The following ANKRD31 variants were observed in gnomAD, a reference collection of about 807,000 sequenced individuals.
ANKRD31 encodes the protein ankyrin repeat domain-containing protein 31.
Under a neutral mutation model 186.0 loss-of-function variants are expected in ANKRD31, and 147 were observed. The observed-to-expected ratio is 0.79, with a 90% CI of 0.69 to 0.91. The LOEUF is 0.91. Among genes scored for constraint, ANKRD31 ranks in the 40% least tolerant of loss-of-function variants. The pLI, the probability that ANKRD31 is intolerant of heterozygous loss-of-function variation, is 0.00. For missense variants in ANKRD31, 1,986 were observed against 2,148.8 expected (o/e 0.92, Z 1.50); for synonymous variants, 673 against 736.4 (o/e 0.91, Z 1.39).
chr5:75,191,022 A>T (rs926658092), intron 9 of ANKRD31, among the ~76,000 whole-genome samples: 2 of 152,058 alleles, frequency 1.3e-5, no homozygotes, highest in Non-Finnish European at 2.9e-5. Flanking sequence ...AATTTTTATC[A>T]TTCTTTTAAA....
chr5:75,157,385 G>A (rs926145930), intron 11 of ANKRD31, among the ~76,000 whole-genome samples: 9 of 152,132 alleles, frequency 5.9e-5, no homozygotes, highest in African/African-American at 2.2e-4. Context: ...GTGCAACCTG[G>A]TTTCTTCTTG....
intron 20 of ANKRD31, among the ~76,000 whole-genome samples, chr5:75,111,338 C>G (rs1747766272): frequency 1.3e-5 from 2 of 151,892 alleles, no homozygotes; most frequent in African/African-American, 4.8e-5. Context: ...AAATTATAAA[C>G]TTGGAAAAAT....
chr5:75,146,700 T>C lies in ANKRD31; in HGVS notation c.2711A>G (p.Asp904Gly), dbSNP rs1430256124. 1 of 1,536,128 alleles carries C rather than the reference T, an allele frequency of 6.5e-7. No homozygotes were observed. The highest frequency in any genetic ancestry group is 2.4e-5 in the East Asian group (1 of 40,886). The change falls in exon 14 of 26, where the codon GAT becomes GGT. Residue 904 changes from aspartate to glycine, a missense_variant. Transcript: ENST00000506364. Reference sequence around the variant, plus strand: ...AGCCTTCTCAGAGGTAGAGCAATCATCATCATCATCATTATCAGAATTTTC... The same window carrying C: ...AGCCTTCTCAGAGGTAGAGCAATCACCATCATCATCATTATCAGAATTTTC... ...VKENSDNDDD[D>G]DCSTSEKAIT...
intron 11 of ANKRD31, among the ~76,000 whole-genome samples, chr5:75,154,725 T>C (rs114764039): frequency 6.6e-6 from 1 of 152,210 alleles, no homozygotes; most frequent in African/African-American, 2.4e-5. Context: ...TGAAATGAAG[T>C]TAGCAAATAC....
chr5:75,172,423 A>T (rs1209469806), intron 10 of ANKRD31, among the ~76,000 whole-genome samples: 1 of 151,760 alleles, frequency 6.6e-6, no homozygotes, highest in Non-Finnish European at 1.5e-5. Context: ...CACAAAAAAA[A>T]CTTAAAAAAA....
At chr5:75,211,120 A>T (rs1756613174) in intron 3 of ANKRD31, among the ~76,000 whole-genome samples, 1 of 152,098 alleles carries the variant, frequency 6.6e-6, no homozygotes, top group Non-Finnish European at 1.5e-5. Context: ...CATTTTCCCA[A>T]AGTGAAACTC....
Position 75,196,180 on chromosome 5 carries a change from AT to A in ANKRD31, c.467del (p.Asp156ValfsTer21), listed in dbSNP as rs1340705964. ...HIEKELSEGR[D>X]SPEVSLLSGT... is the part of the protein sequence containing the mutation. Reference sequence around the variant, plus strand: ...CTGAGAGAAGGCTAACTTCAGGAGAATCTCTGCCTTCACTTAGTTCCTGTGT... The same window carrying A: ...CTGAGAGAAGGCTAACTTCAGGAGAACTCTGCCTTCACTTAGTTCCTGTGT... On this transcript the variant is annotated frameshift_variant, in exon 7 of 26. Transcript: ENST00000506364. LOFTEE classifies it high-confidence loss of function. 2.7e-6 allele frequency: 4 copies of A among 1,482,192 alleles called. No individual in the cohort carries two copies. Among genetic ancestry groups the A allele is most frequent in the Admixed American group, 5.1e-5 (2 of 39,004 alleles). The allele number at this position is 1,482,192 out of a possible 1,614,324, so 91.8% of individuals were successfully genotyped here.
At chr5:75,206,146 G>C (rs568911497) in intron 5 of ANKRD31, among the ~76,000 whole-genome samples, 1 of 144,216 alleles carries the variant, frequency 6.9e-6, no homozygotes, top group South Asian at 2.3e-4. Context: ...GGGAGGCTAA[G>C]GCAGGATAAT....
chr5:75,080,422 G>GA (rs751896148), intron 25 of ANKRD31, 146 bp downstream of exon 25: 56 of 494,312 alleles, frequency 1.1e-4, no homozygotes, highest in Non-Finnish European at 1.6e-4. Context: ...AGTCTATCAG[G>GA]AAATAAAGAT....
At chr5:75,211,421 G>T (rs1197309092) in intron 3 of ANKRD31, among the ~76,000 whole-genome samples, 1 of 151,962 alleles carries the variant, frequency 6.6e-6, no homozygotes, top group Non-Finnish European at 1.5e-5. Context: ...ACCTTTTTTG[G>T]CTATGGAGAA....
At chr5:75,087,610 C>G (rs1319730595) in intron 23 of ANKRD31, among the ~76,000 whole-genome samples, 1 of 152,056 alleles carries the variant, frequency 6.6e-6, no homozygotes, top group African/African-American at 2.4e-5. Flanking sequence ...CAAAGTTTCA[C>G]TGCTCCAAGA....
chr5:75,177,537 G>A (rs1753906872), intron 10 of ANKRD31, among the ~76,000 whole-genome samples: 1 of 152,078 alleles, frequency 6.6e-6, no homozygotes, highest in Non-Finnish European at 1.5e-5. Context: ...TGGATCTCTT[G>A]GCAGAAACTC....
chr5:75,137,396 C>T (rs1002199955), intron 17 of ANKRD31, among the ~76,000 whole-genome samples: 1 of 151,900 alleles, frequency 6.6e-6, no homozygotes, highest in Non-Finnish European at 1.5e-5. Context: ...ATTTTTACAA[C>T]GGGTGCTTGA....
chr5:75,104,221 A>G lies in ANKRD31; in HGVS notation c.5331+7T>C. The G allele has an allele frequency of 1.4e-6, 2 of 1,473,138 alleles. No individual in the cohort carries two copies. The highest frequency in any genetic ancestry group is 2.8e-5 in the African/African-American group (2 of 70,296). 91.3% of individuals were successfully genotyped at this position (1,473,138 alleles called of 1,614,324 possible). A position where few individuals can be genotyped will look rare whatever the true frequency, so the allele number is the denominator to read the frequency against. ...TGCATGATTTTAGAGAAAAAAATAT[A>G]GAATACCTGTGTTTTGAATTCCAGA... is the stretch of plus-strand genomic sequence containing the variant. On this transcript the variant is annotated splice_region_variant and intron_variant, in intron 22 of 25. Transcript: ENST00000506364.
intron 22 of ANKRD31, among the ~76,000 whole-genome samples, chr5:75,101,776 T>A (rs1456361476): frequency 6.6e-6 from 1 of 152,234 alleles, no homozygotes; most frequent in Non-Finnish European, 1.5e-5. Flanking sequence ...TTCAGCTCCA[T>A]CAGGTTATTT....
chr5:75,099,078 A>G (rs1746583484), intron 22 of ANKRD31, among the ~76,000 whole-genome samples: 1 of 152,050 alleles, frequency 6.6e-6, no homozygotes, highest in Admixed American at 6.6e-5. Flanking sequence ...TGTCATAAAT[A>G]GCTCTTATTA....
Position 75,222,297 on chromosome 5 carries a change from C to G in ANKRD31, c.240G>C (p.Met80Ile). 2.0e-6 allele frequency: 3 copies of G among 1,536,776 alleles called. No homozygotes were observed. The highest frequency in any genetic ancestry group is 2.6e-6 in the Non-Finnish European group (3 of 1,146,706). ...FKLREDLQEQ[M>I]NKNKMMPVLS... Reference sequence around the variant, plus strand: ...GAACAGGCATCATCTTATTTTTATTCATTTGCTCTTGCAGATCCTCTCTGA... The same window carrying G: ...GAACAGGCATCATCTTATTTTTATTGATTTGCTCTTGCAGATCCTCTCTGA... The change falls in exon 3 of 26, where the codon ATG (methionine) becomes ATC (isoleucine). Residue 80 changes from methionine (M) to isoleucine (I), a missense_variant. By Grantham distance (10) the Met-to-Ile change is conservative (BLOSUM62 1). Coordinates refer to ENST00000506364, the MANE Select transcript of ANKRD31 (RefSeq NM_001372053.1).
intron 17 of ANKRD31, among the ~76,000 whole-genome samples, chr5:75,125,210 G>A (rs1331777008): frequency 6.6e-6 from 1 of 152,150 alleles, no homozygotes. Context: ...AATGGCAGGT[G>A]AAAAAGTATT....
chr5:75,090,907 C>T (rs1267312866), intron 23 of ANKRD31, among the ~76,000 whole-genome samples: 1 of 152,132 alleles, frequency 6.6e-6, no homozygotes, highest in Non-Finnish European at 1.5e-5. Context: ...TACCAATACA[C>T]CAGTGGTTCC....
Sources: gnomAD v4.1 joint callset for allele counts (sites outside exome capture counted in the v4.1 genomes callset) on GRCh38, gnomAD v4.1.1 for gene constraint, MANE v1.5 for transcripts, NCBI Gene and HGNC (gene_info 2026-07-23, HGNC 2026-07-21) for gene names.